The following RAPGEF6 variants were observed in gnomAD, a reference collection of about 807,000 sequenced individuals.
The protein encoded by RAPGEF6 is PDZ domain containing guanine nucleotide exchange factor (GEF) 2.
RAPGEF6 carries 56 observed loss-of-function variants against 171.4 expected under a neutral mutation model. The observed-to-expected ratio is 0.33, with a 90% CI of 0.26 to 0.41. RAPGEF6 has a LOEUF of 0.41. Ranked by LOEUF, RAPGEF6 falls within the 10% of genes least tolerant of loss-of-function variation. The probability of loss-of-function intolerance (pLI) is 1.00; values close to 1 mark genes in which losing one functional copy is unlikely to be tolerated. For missense variants in RAPGEF6, 1,674 were observed against 1,921.4 expected, an observed-to-expected ratio of 0.87 and a Z score of 2.41; for synonymous variants, 692 against 650.1, an observed-to-expected ratio of 1.06 and a Z score of -0.98.
chr5:131,609,907 A>G (rs1259066996), intron 1 of RAPGEF6, among the ~76,000 whole-genome samples: 1 of 152,196 alleles, frequency 6.6e-6, no homozygotes, highest in Non-Finnish European at 1.5e-5. Context: ...ACCAGAGTCC[A>G]ACCAGTGGAC....
At chr5:131,461,584 C>A (rs1753938347) in intron 19 of RAPGEF6, 121 bp downstream of exon 19, 1 of 961,784 alleles carries the variant, frequency 1.0e-6, no homozygotes, top group Non-Finnish European at 1.5e-6. Flanking sequence ...TCTAACAACA[C>A]TTCAATAAAG....
At chr5:131,633,269 A>C (rs1371986445) in intron 1 of RAPGEF6, among the ~76,000 whole-genome samples, 1 of 152,150 alleles carries the variant, frequency 6.6e-6, no homozygotes, top group African/African-American at 2.4e-5. Flanking sequence ...CAGGAGGCGG[A>C]GGTTGCAGTG....
rs192531889 is a variant in RAPGEF6, at chr5:131,480,871, T to C, written c.1841-1118A>G. Among the ~76,000 whole-genome samples, 5 of 152,210 alleles carry C rather than the reference T, an allele frequency of 3.3e-5. No homozygotes were observed. The East Asian group carries it at 9.7e-4, about 29-fold the overall frequency. The stretch of plus-strand genomic sequence containing the variant: ...ATTCAGTAAAGCTGCTAAAAAAATA[T>C]CCACTTCAGTGGTCTGAAGTAAAAA... On this transcript the variant is annotated intron_variant, in intron 15 of 27. Transcript: ENST00000509018.
intron 1 of RAPGEF6, among the ~76,000 whole-genome samples, chr5:131,615,304 T>C (rs556195005): frequency 6.6e-6 from 1 of 152,190 alleles, no homozygotes; most frequent in Non-Finnish European, 1.5e-5. Flanking sequence ...TTAATTCTTT[T>C]TCATATGATG....
chr5:131,628,698 T>C (rs575400948), intron 1 of RAPGEF6, among the ~76,000 whole-genome samples: 42 of 152,178 alleles, frequency 2.8e-4, no homozygotes, highest in Non-Finnish European at 5.0e-4. Flanking sequence ...GGCTGACTCC[T>C]GTTAGAGGAT....
chr5:131,492,629 C>T lies in RAPGEF6; in HGVS notation c.1684G>A (p.Glu562Lys). 1 of 1,614,182 alleles carries T rather than the reference C, an allele frequency of 6.2e-7. No homozygotes were observed. The highest frequency in any genetic ancestry group is 1.6e-4 in the Middle Eastern group (1 of 6,062). Residue 562 changes from glutamate (E) to lysine (K), a missense_variant, in exon 14 of 28, where the codon GAA becomes AAA. Transcript: ENST00000509018. ...GAATCAGCAGCTTTGCTACCAGGTT[C>T]TACTCCTTCAACAAAAATACCAAAT... is the stretch of plus-strand genomic sequence containing the variant. Reference protein sequence around the residue: ...KGFGIFVEGVEPGSKAADSGL... With the variant: ...KGFGIFVEGVKPGSKAADSGL...
In RAPGEF6 at chr5:131,426,518, C is replaced by T. The variant is rs1041035081; in HGVS notation, c.*748G>A. 6.6e-6 allele frequency: 1 copy of T among 152,334 alleles called. No individual in the cohort carries two copies. The highest frequency in any genetic ancestry group is 6.5e-5 in the Admixed American group (1 of 15,284). 9.4% of individuals were successfully genotyped at this position (152,334 alleles called of 1,614,324 possible). A position where few individuals can be genotyped will look rare whatever the true frequency, so the allele number is the denominator to read the frequency against. On this transcript the variant is annotated 3_prime_UTR_variant, in exon 28 of 28. Transcript: ENST00000509018. ...AAATTAGGGTTCCCACCCTCCTCCC[C>T]AAACTACTCCCTCCCATTTCCCAAA...
chr5:131,503,879 T>A (rs1039965965), intron 11 of RAPGEF6, among the ~76,000 whole-genome samples: 1 of 152,170 alleles, frequency 6.6e-6, no homozygotes, highest in Non-Finnish European at 1.5e-5. Context: ...TACCTCCATA[T>A]CCAGATAAGA....
At chr5:131,626,292 G>A (rs1320440330) in intron 1 of RAPGEF6, among the ~76,000 whole-genome samples, 1 of 152,058 alleles carries the variant, frequency 6.6e-6, no homozygotes, top group Non-Finnish European at 1.5e-5. Context: ...ATAAGACACT[G>A]TCAGTTTAGG....
intron 15 of RAPGEF6, among the ~76,000 whole-genome samples, chr5:131,485,065 T>A (rs1755787330): frequency 6.6e-6 from 1 of 152,134 alleles, no homozygotes; most frequent in African/African-American, 2.4e-5. Context: ...TAGCTGGGAC[T>A]ACAGGTGCAT....
intron 27 of RAPGEF6, among the ~76,000 whole-genome samples, chr5:131,428,461 CTTT>C (rs879499440): frequency 1.4e-5 from 2 of 142,282 alleles, no homozygotes; most frequent in Non-Finnish European, 1.5e-5. Flanking sequence ...TATTTAGGAA[CTTT>C]TTTTTTTTTT....
intron 4 of RAPGEF6, among the ~76,000 whole-genome samples, chr5:131,574,622 T>G (rs1762498315): frequency 6.6e-6 from 1 of 152,134 alleles, no homozygotes; most frequent in Non-Finnish European, 1.5e-5. Context: ...AGTTCCCTTA[T>G]TAGGCCGAGA....
intron 1 of RAPGEF6, among the ~76,000 whole-genome samples, chr5:131,624,978 C>A (rs1391832796): frequency 6.6e-6 from 1 of 151,908 alleles, no homozygotes; most frequent in Non-Finnish European, 1.5e-5. Context: ...CAAAAAGTAG[C>A]CGGGCATGGG....
chr5:131,557,424 T>C (rs1373259629), intron 5 of RAPGEF6, among the ~76,000 whole-genome samples: 3 of 152,200 alleles, frequency 2.0e-5, no homozygotes. Flanking sequence ...TATGAACGAG[T>C]ATCCAACGAC....
At chr5:131,490,684 G>A (rs1027628012) in intron 14 of RAPGEF6, among the ~76,000 whole-genome samples, 3 of 152,086 alleles carry the variant, frequency 2.0e-5, no homozygotes, top group Non-Finnish European at 2.9e-5. Flanking sequence ...AAAATGTTAC[G>A]CTCTATTGAA....
At chr5:131,527,096 CAGTT>C (rs1407367262) in intron 6 of RAPGEF6, among the ~76,000 whole-genome samples, 11 of 152,240 alleles carry the variant, frequency 7.2e-5, no homozygotes, top group African/African-American at 2.4e-4. Flanking sequence ...CTATATTTCT[CAGTT>C]AGACTAGATT....
chr5:131,437,748 C>T (rs1357052470), intron 24 of RAPGEF6, among the ~76,000 whole-genome samples: 1 of 152,128 alleles, frequency 6.6e-6, no homozygotes, highest in Non-Finnish European at 1.5e-5. Flanking sequence ...TGAAAAAAAT[C>T]TAACCAGTCT....
chr5:131,598,959 C>G lies in RAPGEF6; in HGVS notation c.197+4312G>C, dbSNP rs184088679. Among the ~76,000 whole-genome samples, 91 of 152,268 alleles carry G rather than the reference C, an allele frequency of 6.0e-4. 1 individual carries two copies. Among genetic ancestry groups the G allele is most frequent in the African/African-American group, 2.1e-3 (86 of 41,566 alleles). On this transcript the variant is annotated intron_variant, in intron 3 of 27. Transcript: ENST00000509018. ...AGCCAAGACAATCTTGAAGAACAAGCCTGAGTACAAGCCTGAGTTACTCTA... is the reference window on the plus strand; with the variant it reads ...AGCCAAGACAATCTTGAAGAACAAGGCTGAGTACAAGCCTGAGTTACTCTA...
At chr5:131,463,720 T>C (rs1306241789) in intron 18 of RAPGEF6, 7 of 989,330 alleles carry the variant, frequency 7.1e-6, no homozygotes, top group Non-Finnish European at 8.5e-6. Context: ...GAAAAAGAAC[T>C]GTGAAAACCA....
Sources: gnomAD v4.1 joint callset for allele counts (sites outside exome capture counted in the v4.1 genomes callset) on GRCh38, gnomAD v4.1.1 for gene constraint, MANE v1.5 for transcripts, NCBI Gene and HGNC (gene_info 2026-07-23, HGNC 2026-07-21) for gene names.